The following CDH13 variants were observed in gnomAD, a reference collection of about 807,000 sequenced individuals.
The protein encoded by CDH13 is cadherin-13.
A neutral mutation model predicts 63.8 loss-of-function variants in CDH13; 24 were observed. That is an observed-to-expected ratio of 0.38 (90% CI 0.27 to 0.53). CDH13 has a LOEUF of 0.53. Ranked by LOEUF, CDH13 falls within the 20% of genes least tolerant of loss-of-function variation. The pLI is 0.85. For missense variants in CDH13, 1,049 were observed against 903.1 expected (o/e 1.16, Z -2.07); for synonymous variants, 503 against 355.3 (o/e 1.42, Z -4.67).
chr16:83,537,833 C>A (rs1305830135), intron 7 of CDH13, among the ~76,000 whole-genome samples: 5 of 152,144 alleles, frequency 3.3e-5, no homozygotes, highest in African/African-American at 1.2e-4. Flanking sequence ...TACCAATCTT[C>A]CCATGTTTCC....
At chr16:83,222,670 C>G (rs1187235411) in intron 5 of CDH13, among the ~76,000 whole-genome samples, 1 of 151,932 alleles carries the variant, frequency 6.6e-6, no homozygotes, top group East Asian at 1.9e-4. Flanking sequence ...TCTGGTCTCC[C>G]CCATTGCTAC....
chr16:83,617,262 T>G (rs980850050), intron 8 of CDH13, among the ~76,000 whole-genome samples: 2 of 152,214 alleles, frequency 1.3e-5, no homozygotes, highest in African/African-American at 4.8e-5. Context: ...AGAACTGTGT[T>G]TTGGCTTCTG....
At chr16:83,208,246 A>G (rs2039239225) in intron 4 of CDH13, among the ~76,000 whole-genome samples, 1 of 152,136 alleles carries the variant, frequency 6.6e-6, no homozygotes, top group Non-Finnish European at 1.5e-5. Context: ...TTCCCTGGCT[A>G]ATTTATGACC....
intron 11 of CDH13, among the ~76,000 whole-genome samples, chr16:83,764,942 A>G (rs1319969695): frequency 6.6e-6 from 1 of 152,198 alleles, no homozygotes; most frequent in African/African-American, 2.4e-5. Context: ...AACTTCTCAC[A>G]AAATAGCCAC....
rs1011399247 is a variant in CDH13, at chr16:82,666,993, C to A, written c.45+39856C>A. 5.3e-5 allele frequency among the ~76,000 whole-genome samples: 8 copies of A among 152,262 alleles called. No individual in the cohort carries two copies. The East Asian group carries it at 1.4e-3, about 26-fold the overall frequency. ...TGGGTCCAGTTCCTGTTCTTAAACACGCTTTGCCCTACTGCTTGCAAGCCA... is the reference window on the plus strand; with the variant it reads ...TGGGTCCAGTTCCTGTTCTTAAACAAGCTTTGCCCTACTGCTTGCAAGCCA... On this transcript the variant is annotated intron_variant, in intron 1 of 13. Transcript: ENST00000567109.
intron 4 of CDH13, among the ~76,000 whole-genome samples, chr16:83,148,321 T>C (rs549732881): frequency 6.8e-6 from 1 of 147,634 alleles, no homozygotes; most frequent in East Asian, 1.9e-4. Context: ...GTAGACAACA[T>C]GTAGACAACA....
chr16:82,774,987 G>C (rs762819278), intron 1 of CDH13, among the ~76,000 whole-genome samples: 4 of 152,204 alleles, frequency 2.6e-5, no homozygotes, highest in Non-Finnish European at 5.9e-5. Context: ...TGCAGCCCAG[G>C]AGCAAGATTG....
intron 13 of CDH13, among the ~76,000 whole-genome samples, chr16:83,790,729 C>T (rs756081263): frequency 9.9e-5 from 15 of 152,250 alleles, no homozygotes; most frequent in Non-Finnish European, 1.5e-5. Context: ...AAGTGCATGT[C>T]AGTGGCATGA....
chr16:83,050,164 C>T (rs554381091), intron 3 of CDH13, among the ~76,000 whole-genome samples: 7 of 152,154 alleles, frequency 4.6e-5, no homozygotes, highest in Non-Finnish European at 1.0e-4. Flanking sequence ...TTATTGACCA[C>T]AGCAGCCAGA....
intron 1 of CDH13, among the ~76,000 whole-genome samples, chr16:82,850,732 C>G (rs1266829462): frequency 1.3e-5 from 2 of 152,172 alleles, no homozygotes; most frequent in Admixed American, 6.5e-5. Flanking sequence ...ACAGCCTCCC[C>G]AACCTTCACA....
chr16:82,785,253 G>C lies in CDH13; in HGVS notation c.46-73109G>C, dbSNP rs376909112. On this transcript the variant is annotated intron_variant, in intron 1 of 13. Transcript: ENST00000567109. ...TAAATGTCTAACATGGGTTGGAAAG[G>C]CTGCCCACCAGTCCCAGGTATGCAG... Among the ~76,000 whole-genome samples the C allele has an allele frequency of 5.3e-5, 8 of 152,280 alleles. No individual in the cohort carries two copies. The East Asian group carries it at 1.5e-3, about 29-fold the overall frequency.
At chr16:83,309,752 A>G (rs1567581624) in intron 5 of CDH13, among the ~76,000 whole-genome samples, 1 of 151,882 alleles carries the variant, frequency 6.6e-6, no homozygotes, top group Non-Finnish European at 1.5e-5. Context: ...ACTCATGAGG[A>G]CATGAGCCTC....
chr16:82,714,706 T>C (rs1349350496), intron 1 of CDH13, among the ~76,000 whole-genome samples: 5 of 56,626 alleles, frequency 8.8e-5, no homozygotes, highest in East Asian at 5.8e-4. Context: ...AGAGCAAGAC[T>C]CCATCTAAAA....
chr16:83,702,247 T>G (rs946272510), intron 10 of CDH13, among the ~76,000 whole-genome samples: 2 of 152,180 alleles, frequency 1.3e-5, no homozygotes, highest in Non-Finnish European at 2.9e-5. Context: ...TAATTGCTCA[T>G]GAGTGTGCTA....
chr16:82,806,093 C>G (rs12922616), intron 1 of CDH13, among the ~76,000 whole-genome samples: 3 of 152,080 alleles, frequency 2.0e-5, no homozygotes, highest in East Asian at 3.9e-4. Flanking sequence ...TTGTTTCCTT[C>G]CAAGCTCAAG....
chr16:83,443,556 A>C (rs1312863469), intron 6 of CDH13, among the ~76,000 whole-genome samples: 2 of 151,918 alleles, frequency 1.3e-5, no homozygotes, highest in African/African-American at 4.8e-5. Flanking sequence ...GTTGAGTATA[A>C]AGCACTCTAG....
intron 7 of CDH13, among the ~76,000 whole-genome samples, chr16:83,506,275 T>C (rs760183566): frequency 2.0e-5 from 3 of 152,084 alleles, no homozygotes; most frequent in Non-Finnish European, 2.9e-5. Flanking sequence ...GAGCCACTGA[T>C]CTCTCTGGGG....
intron 1 of CDH13, among the ~76,000 whole-genome samples, chr16:82,711,093 C>G (rs2031906202): frequency 6.6e-6 from 1 of 152,002 alleles, no homozygotes; most frequent in Non-Finnish European, 1.5e-5. Flanking sequence ...GTCTGAATAC[C>G]TCCTGGCAGT....
chr16:83,745,461 G>C (rs981468470), intron 10 of CDH13, among the ~76,000 whole-genome samples: 6 of 152,222 alleles, frequency 3.9e-5, no homozygotes, highest in African/African-American at 1.4e-4. Flanking sequence ...AAGACCTCCA[G>C]ATGATTGGTT....
Sources: allele counts gnomAD v4.1 joint callset (sites outside exome capture counted in the v4.1 genomes callset), GRCh38; gene constraint gnomAD v4.1.1; transcripts MANE v1.5; gene names NCBI Gene and HGNC (gene_info 2026-07-23, HGNC 2026-07-21).